The following SORCS2 variants were observed in gnomAD, a reference collection of about 807,000 sequenced individuals.
The protein encoded by SORCS2 is sortilin related VPS10 domain containing receptor 2.
In SORCS2, 100 loss-of-function variants were observed where a neutral mutation model predicts 141.6. The observed-to-expected ratio is 0.71, with a 90% CI of 0.60 to 0.83. The LOEUF (loss-of-function observed/expected upper bound fraction) is 0.83. Ranked by LOEUF, SORCS2 falls within the 40% of genes least tolerant of loss-of-function variation. The pLI is 0.00. For synonymous variants in SORCS2, 789 were observed against 676.9 expected (o/e 1.17, Z -2.57); for missense variants, 1,646 against 1,560.2 (o/e 1.05, Z -0.93).
intron 2 of SORCS2, among the ~76,000 whole-genome samples, chr4:7,456,481 G>GA (rs1430861074): frequency 2.0e-5 from 3 of 151,642 alleles, no homozygotes; most frequent in African/African-American, 7.3e-5. Flanking sequence ...AGGGTGAGAG[G>GA]GGGGGGGCCT....
chr4:7,540,977 G>T (rs1712602073), intron 3 of SORCS2, among the ~76,000 whole-genome samples: 1 of 152,210 alleles, frequency 6.6e-6, no homozygotes, highest in Non-Finnish European at 1.5e-5. Context: ...CGTGAGGCAT[G>T]GGGGTACAAT....
At position 7,716,490 on chromosome 4, in the gene SORCS2, A is replaced by G. The variant is rs374549218; in HGVS notation, c.2252+1179A>G. ...CTACTATCCATGCATCCATCTATCC[A>G]TTCAGTTACCCATCCATCCATTCAT... On this transcript the variant is annotated intron_variant, in intron 17 of 26. Coordinates refer to ENST00000507866, the MANE Select transcript of SORCS2 (RefSeq NM_020777.3). Among the ~76,000 whole-genome samples the G allele has an allele frequency of 1.3e-5, 2 of 152,178 alleles. 1 individual carries two copies. The highest frequency in any genetic ancestry group is 4.2e-4 in the South Asian group (2 of 4,810).
chr4:7,292,019 G>C (rs1348707131), intron 1 of SORCS2, among the ~76,000 whole-genome samples: 1 of 152,214 alleles, frequency 6.6e-6, no homozygotes, highest in African/African-American at 2.4e-5. Flanking sequence ...CTGTTGTCTG[G>C]GGGAGGGTCC....
intron 3 of SORCS2, among the ~76,000 whole-genome samples, chr4:7,532,114 T>C (rs1334305537): frequency 6.6e-6 from 1 of 152,208 alleles, no homozygotes; most frequent in Non-Finnish European, 1.5e-5. Flanking sequence ...TCTGGCTGGC[T>C]GTACAATAGG....
chr4:7,663,700 G>A lies in SORCS2; in HGVS notation c.953-653G>A, dbSNP rs959143217. ...TCTCCATGCTGCCGGGTCACCCAAGGCTGGGGGCAGGAGGAGGAGGAAAAG... is the reference window on the plus strand; with the variant it reads ...TCTCCATGCTGCCGGGTCACCCAAGACTGGGGGCAGGAGGAGGAGGAAAAG... On this transcript the variant is annotated intron_variant, in intron 6 of 26. Transcript: ENST00000507866. The surrounding 1 kb of genome is among the most constrained non-coding windows in gnomAD (Gnocchi z 4.8). Among the ~76,000 whole-genome samples, 1 of 152,122 alleles carries A rather than the reference G, an allele frequency of 6.6e-6. No individual in the cohort carries two copies. Among genetic ancestry groups the A allele is most frequent in the African/African-American group, 2.4e-5 (1 of 41,414 alleles).
chr4:7,350,285 G>A (rs148862616), intron 1 of SORCS2, among the ~76,000 whole-genome samples: 1,682 of 152,294 alleles, frequency 0.011, 26 homozygotes, highest in African/African-American at 0.037. Context: ...CACAATTAGG[G>A]GACAGTGTCA....
At position 7,511,107 on chromosome 4, in the gene SORCS2, C is replaced by T. The variant is rs181719338; in HGVS notation, c.549-20423C>T. Reference sequence around the variant, plus strand: ...TGAATGAGGGAGAGAATGGCTCACACAGAAATTCAGAGACATGTAGAGAAG... The same window carrying T: ...TGAATGAGGGAGAGAATGGCTCACATAGAAATTCAGAGACATGTAGAGAAG... On this transcript the variant is annotated intron_variant, in intron 2 of 26. Coordinates refer to ENST00000507866, the MANE Select transcript of SORCS2 (RefSeq NM_020777.3). 2.3e-4 allele frequency among the ~76,000 whole-genome samples: 35 copies of T among 152,216 alleles called. 1 individual carries two copies. Among genetic ancestry groups the T allele is most frequent in the Non-Finnish European group, 4.6e-4 (31 of 68,030 alleles).
At chr4:7,327,760 T>G (rs1719365829) in intron 1 of SORCS2, among the ~76,000 whole-genome samples, 1 of 152,188 alleles carries the variant, frequency 6.6e-6, no homozygotes, top group Non-Finnish European at 1.5e-5. Context: ...CCAAGAAGCC[T>G]CTTTTCCCTT....
intron 3 of SORCS2, among the ~76,000 whole-genome samples, chr4:7,545,188 A>C (rs1488613780): frequency 6.6e-6 from 1 of 152,106 alleles, no homozygotes; most frequent in African/African-American, 2.4e-5. Flanking sequence ...AAGTCTCCTG[A>C]ATCTCCTGCC....
chr4:7,287,623 T>C (rs953933809), intron 1 of SORCS2, among the ~76,000 whole-genome samples: 3 of 152,240 alleles, frequency 2.0e-5, no homozygotes, highest in East Asian at 1.9e-4. Context: ...TTTACAAGTT[T>C]AGAGTTCAGC....
intron 2 of SORCS2, among the ~76,000 whole-genome samples, chr4:7,415,388 C>T (rs984361078): frequency 1.8e-4 from 27 of 152,222 alleles, no homozygotes; most frequent in African/African-American, 5.8e-4. Context: ...GCCTGCCATC[C>T]GTGGCTCAGG....
At chr4:7,282,608 G>A (rs1312667639) in intron 1 of SORCS2, among the ~76,000 whole-genome samples, 1 of 152,212 alleles carries the variant, frequency 6.6e-6, no homozygotes, top group African/African-American at 2.4e-5. Flanking sequence ...GAGCCTGGGT[G>A]GGAGCCGGTG....
intron 1 of SORCS2, among the ~76,000 whole-genome samples, chr4:7,265,067 C>T (rs1714632033): frequency 6.6e-6 from 1 of 152,242 alleles, no homozygotes; most frequent in Non-Finnish European, 1.5e-5. Context: ...TGGGGCCATG[C>T]TCTGCATGGG....
chr4:7,572,157 C>G (rs1048849320), intron 3 of SORCS2, among the ~76,000 whole-genome samples: 3 of 152,168 alleles, frequency 2.0e-5, no homozygotes, highest in Non-Finnish European at 4.4e-5. Flanking sequence ...CTGGGTCTTC[C>G]TTGGGGCCAA....
At chr4:7,444,789 C>T (rs1474621040) in intron 2 of SORCS2, among the ~76,000 whole-genome samples, 5 of 152,176 alleles carry the variant, frequency 3.3e-5, no homozygotes, top group African/African-American at 4.8e-5. Flanking sequence ...CCTCAGGTGG[C>T]GACCGTAGGT....
chr4:7,616,650 C>T (rs1560428953), intron 3 of SORCS2, among the ~76,000 whole-genome samples: 1 of 152,230 alleles, frequency 6.6e-6, no homozygotes, highest in Admixed American at 6.5e-5. Context: ...AAAGTGGCCT[C>T]AGCCCTGAAT....
At chr4:7,514,550 C>T in intron 2 of SORCS2, among the ~76,000 whole-genome samples, 1 of 152,044 alleles carries the variant, frequency 6.6e-6, no homozygotes, top group Admixed American at 6.5e-5. Context: ...AGAGTCATGG[C>T]AGGGCAGACA....
intron 5 of SORCS2, among the ~76,000 whole-genome samples, chr4:7,660,583 G>A (rs938362092): frequency 6.6e-6 from 1 of 152,232 alleles, no homozygotes; most frequent in African/African-American, 2.4e-5. Flanking sequence ...GAGCAGGGCA[G>A]TGTGTGCGGT....
At chr4:7,363,226 C>T (rs950236262) in intron 1 of SORCS2, among the ~76,000 whole-genome samples, 1 of 150,952 alleles carries the variant, frequency 6.6e-6, no homozygotes, top group Non-Finnish European at 1.5e-5. Flanking sequence ...ACCATTACTA[C>T]CATCATCACC....
Sources: gnomAD v4.1 joint callset for allele counts (sites outside exome capture counted in the v4.1 genomes callset) on GRCh38, gnomAD v4.1.1 for gene constraint, Gnocchi (gnomAD v3.1) non-coding constraint, MANE v1.5 for transcripts, NCBI Gene and HGNC (gene_info 2026-07-23, HGNC 2026-07-21) for gene names.